Variants in ZZEF1 observed in about 807,000 individuals in gnomAD.
ZZEF1 encodes zinc finger ZZ-type and EF-hand domain containing 1, also known as zinc finger ZZ-type and EF-hand domain-containing protein 1.
ZZEF1 carries 157 observed loss-of-function variants against 342.8 expected under a neutral mutation model. The ratio of observed to expected loss-of-function variants is 0.46; its 90% CI spans 0.40 to 0.52. ZZEF1 has a LOEUF of 0.52. ZZEF1 is among the 20% of genes least tolerant of loss of function. ZZEF1 has a pLI of 0.00. For synonymous variants in ZZEF1, 1,505 were observed against 1,429.1 expected (o/e 1.05, Z -1.20); for missense variants, 3,480 against 3,725.6 (o/e 0.93, Z 1.72).
In ZZEF1 at chr17:4,033,155, T is replaced by C. The variant is rs955626905; in HGVS notation, c.6585-153A>G. The C allele has an allele frequency of 1.7e-5, 12 of 705,450 alleles. No homozygotes were observed. In the African/African-American group the frequency reaches 2.1e-4, roughly 13 times the overall value. The allele number at this position is 705,450 out of a possible 1,614,324, so 43.7% of individuals were successfully genotyped here. A position where few individuals can be genotyped will look rare whatever the true frequency, so the allele number is the denominator to read the frequency against. ...CAGAATAATGCTTTTCGTATAATGG[T>C]GAGTAAAAGAGCAAACAAAATCAAG... On this transcript the variant is annotated intron_variant, in intron 40 of 54. Coordinates refer to ENST00000381638, the MANE Select transcript of ZZEF1 (RefSeq NM_015113.4).
intron 39 of ZZEF1, among the ~76,000 whole-genome samples, 195 bp downstream of exon 39, chr17:4,042,228 TATATAA>T (rs1245095856): frequency 6.6e-6 from 1 of 150,858 alleles, no homozygotes; most frequent in Non-Finnish European, 1.5e-5. Context: ...ATAAGCATTA[TATATAA>T]ATATATTGTT....
chr17:4,061,806 C>T (rs1459657014), intron 30 of ZZEF1, among the ~76,000 whole-genome samples: 1 of 152,158 alleles, frequency 6.6e-6, no homozygotes, highest in African/African-American at 2.4e-5. Context: ...CCTTTCCTCC[C>T]CATCTCCAGT....
chr17:4,105,887 G>C, intron 6 of ZZEF1, 78 bp from the exon 7 acceptor site: 1 of 1,137,060 alleles, frequency 8.8e-7, no homozygotes, highest in Non-Finnish European at 1.3e-6. Flanking sequence ...TTAGAAGCTT[G>C]TTTTGACTAA....
chr17:4,115,604 G>C (rs562836425), intron 3 of ZZEF1, among the ~76,000 whole-genome samples: 2 of 152,074 alleles, frequency 1.3e-5, no homozygotes, highest in Non-Finnish European at 2.9e-5. Context: ...TGAAGGTTTC[G>C]GTGAGCCGGG....
intron 40 of ZZEF1, 165 bp from the exon 41 acceptor site, chr17:4,033,167 CA>C (rs1462656264): frequency 7.9e-6 from 5 of 635,014 alleles, no homozygotes; most frequent in African/African-American, 7.3e-5. Context: ...AGTAAAAGAG[CA>C]AACAAAATCA....
In ZZEF1 at chr17:4,017,198, C is replaced by A; in HGVS notation, c.8001+173G>T. 1 of 928,650 alleles carries A rather than the reference C, an allele frequency of 1.1e-6. No homozygotes were observed. The highest frequency in any genetic ancestry group is 1.9e-5 in the South Asian group (1 of 52,550). 57.5% of individuals were successfully genotyped at this position (928,650 alleles called of 1,614,324 possible). A position where few individuals can be genotyped will look rare whatever the true frequency, so the allele number is the denominator to read the frequency against. On this transcript the variant is annotated intron_variant, in intron 48 of 54. Coordinates refer to ENST00000381638, the MANE Select transcript of ZZEF1 (RefSeq NM_015113.4). This position sits in a 1 kb window ranked among gnomAD's most constrained non-coding sequence, Gnocchi z 5.1. The stretch of plus-strand genomic sequence containing the variant: ...GCGCTCAGGGCCCCTGAGTTCCTCA[C>A]TAGCCCAATCCTTGGGAGAGGATAC...
chr17:4,138,664 A>G (rs2058793086), intron 1 of ZZEF1, among the ~76,000 whole-genome samples: 1 of 152,192 alleles, frequency 6.6e-6, no homozygotes, highest in Non-Finnish European at 1.5e-5. Flanking sequence ...CTATGTGGCA[A>G]ATTAATAAAA....
At chr17:4,139,562 A>C (rs2058808910) in intron 1 of ZZEF1, among the ~76,000 whole-genome samples, 1 of 152,242 alleles carries the variant, frequency 6.6e-6, no homozygotes, top group Admixed American at 6.5e-5. Flanking sequence ...AAGTATGCAC[A>C]AAAGTATATA....
chr17:4,077,944 G>A lies in ZZEF1; in HGVS notation c.2928C>T (p.Tyr976=). 1.2e-6 allele frequency: 2 copies of A among 1,614,184 alleles called. No individual in the cohort carries two copies. The highest frequency in any genetic ancestry group is 1.7e-5 in the Admixed American group (1 of 60,020). ...SVQGSLLSWC[Y]LQLKSTDSGA... is the part of the protein sequence containing the mutation. ...CAGAGTCCGTGCTCTTCAGCTGCAG[G>A]TAGCACCAGGATAGCAGGCTGCCTT... Residue 976 remains tyrosine, a synonymous_variant, in exon 19 of 55, where the codon TAC becomes TAT. Transcript: ENST00000381638.
intron 2 of ZZEF1, among the ~76,000 whole-genome samples, chr17:4,120,335 T>C (rs1417906453): frequency 2.0e-5 from 3 of 150,148 alleles, no homozygotes; most frequent in Non-Finnish European, 4.4e-5. Context: ...CCACCATGGG[T>C]GACAGAGCAA....
Position 4,006,683 on chromosome 17 carries a change from C to T in ZZEF1, c.*207G>A, listed in dbSNP as rs868468216. On this transcript the variant is annotated 3_prime_UTR_variant, in exon 55 of 55. Coordinates refer to ENST00000381638, the MANE Select transcript of ZZEF1 (RefSeq NM_015113.4). ...TTCTGAGGCATTCTGCACTGCTTGG[C>T]TTATTTTCACCATGCTACAGCCTGT... 3.2e-6 allele frequency: 2 copies of T among 631,968 alleles called. No homozygotes were observed. The highest frequency in any genetic ancestry group is 4.2e-4 in the Middle Eastern group (1 of 2,386). The allele number at this position is 631,968 out of a possible 1,614,324, so 39.1% of individuals were successfully genotyped here.
intron 14 of ZZEF1, 73 bp from the exon 15 acceptor site, chr17:4,086,728 T>C: frequency 6.7e-7 from 1 of 1,501,398 alleles, no homozygotes; most frequent in Non-Finnish European, 9.1e-7. Flanking sequence ...TATAGCTGTC[T>C]ACAAAGGACT....
chr17:4,009,709 G>A lies in ZZEF1; in HGVS notation c.8628C>T (p.Thr2876=). The part of the protein sequence containing the change: ...ALLKPLWQLF[T]HMEYGLFEDV... Reference sequence around the variant, plus strand: ...CCTCAAACAGGCCGTACTCCATGTGGGTAAAGAGCTGCCACAGGGGCTTCA... The same window carrying A: ...CCTCAAACAGGCCGTACTCCATGTGAGTAAAGAGCTGCCACAGGGGCTTCA... Residue 2876 remains threonine (T), a synonymous_variant, in exon 53 of 55, where the codon ACC becomes ACT. Coordinates refer to ENST00000381638, the MANE Select transcript of ZZEF1 (RefSeq NM_015113.4). 1 of 1,614,114 alleles carries A rather than the reference G, an allele frequency of 6.2e-7. No individual in the cohort carries two copies.
intron 30 of ZZEF1, among the ~76,000 whole-genome samples, chr17:4,060,213 G>A (rs1466407982): frequency 6.6e-6 from 1 of 152,190 alleles, no homozygotes; most frequent in African/African-American, 2.4e-5. Flanking sequence ...GATCAAATAA[G>A]CCCTCAAAAT....
At position 4,142,967 on chromosome 17, in the gene ZZEF1, G is replaced by C. The variant is rs1284261752; in HGVS notation, c.-72C>G. The C allele has an allele frequency of 6.3e-6, 8 of 1,275,966 alleles. No homozygotes were observed. The highest frequency in any genetic ancestry group is 5.9e-6 in the Non-Finnish European group (6 of 1,015,236). The allele number at this position is 1,275,966 out of a possible 1,614,324, so 79.0% of individuals were successfully genotyped here. A position where few individuals can be genotyped will look rare whatever the true frequency, so the allele number is the denominator to read the frequency against. ...TCCCCGCCTCGACCTGTCAACCTCCGACAGCAGCTGGCGGGCGGGGACGCG... is the reference window on the plus strand; with the variant it reads ...TCCCCGCCTCGACCTGTCAACCTCCCACAGCAGCTGGCGGGCGGGGACGCG... On this transcript the variant is annotated 5_prime_UTR_variant, in exon 1 of 55. Transcript: ENST00000381638.
In ZZEF1 at chr17:4,081,433, C is replaced by G. The variant is rs531018809; in HGVS notation, c.2772G>C (p.Met924Ile). Reference protein sequence around the residue: ...LLPEKNDLAKMNISEVLAVMD... With the variant: ...LLPEKNDLAKINISEVLAVMD... ...TGACCGCCAGGACTTCACTGATGTT[C>G]ATCTTGGCCAGGTCGTTCTTCTCAG... Residue 924 changes from methionine (M) to isoleucine (I), a missense_variant, in exon 18 of 55, where the codon ATG becomes ATC. Around this residue, in one of 5 missense-constraint regions of ZZEF1, gnomAD observed 1,528 missense variants for 1,624.1 expected, o/e 0.94. Coordinates refer to ENST00000381638, the MANE Select transcript of ZZEF1 (RefSeq NM_015113.4). The G allele has an allele frequency of 3.7e-6, 6 of 1,614,062 alleles. No homozygotes were observed. Among genetic ancestry groups the G allele is most frequent in the Non-Finnish European group, 5.1e-6 (6 of 1,180,020 alleles).
chr17:4,022,838 A>G lies in ZZEF1; in HGVS notation c.7093-10T>C. 6.2e-7 allele frequency: 1 copy of G among 1,613,220 alleles called. No individual in the cohort carries two copies. The highest frequency in any genetic ancestry group is 8.5e-7 in the Non-Finnish European group (1 of 1,179,446). On this transcript the variant is annotated splice_polypyrimidine_tract_variant and intron_variant, in intron 43 of 54. Transcript: ENST00000381638. The stretch of plus-strand genomic sequence containing the variant: ...CCTCAAAACCGTGAGCCTGCCAAGC[A>G]GAAGAAGAATGATGTGTGACTGCCT...
chr17:4,034,223 C>A lies in ZZEF1; in HGVS notation c.6376G>T (p.Ala2126Ser). Residue 2126 changes from alanine to serine, a missense_variant, in exon 40 of 55, where the codon GCA becomes TCA. This residue lies in a region of ZZEF1 where 1,269 missense variants were observed against 1,342.4 expected (regional missense o/e 0.95). Coordinates refer to ENST00000381638, the MANE Select transcript of ZZEF1 (RefSeq NM_015113.4). ...TGGTAGGTTTCATTCAGGTGGCCTGCGTTTGAGATGACAACCTGAAACATG... is the reference window on the plus strand; with the variant it reads ...TGGTAGGTTTCATTCAGGTGGCCTGAGTTTGAGATGACAACCTGAAACATG... ...PLMFQVVISN[A>S]GHLNETYHLT... The A allele has an allele frequency of 1.2e-6, 2 of 1,614,148 alleles. No homozygotes were observed. The highest frequency in any genetic ancestry group is 1.7e-6 in the Non-Finnish European group (2 of 1,180,028).
At chr17:4,105,626 A>G (rs1272796040) in intron 7 of ZZEF1, 67 bp downstream of exon 7, 3 of 1,183,048 alleles carry the variant, frequency 2.5e-6, no homozygotes, top group Non-Finnish European at 3.7e-6. Flanking sequence ...TATATTTTTT[A>G]AAGACTTAAC....
Sources: allele counts gnomAD v4.1 joint callset (sites outside exome capture counted in the v4.1 genomes callset), GRCh38; gene constraint gnomAD v4.1.1; regional missense constraint gnomAD v4.1.1; non-coding constraint Gnocchi (gnomAD v3.1); transcripts MANE v1.5; gene names NCBI Gene and HGNC (gene_info 2026-07-23, HGNC 2026-07-21).